APOO: variants seen among roughly 807,000 people sequenced by gnomAD.
APOO encodes the protein MICOS complex subunit MIC26.
A neutral mutation model predicts 23.1 loss-of-function variants in APOO; 11 were observed. The ratio of observed to expected loss-of-function variants is 0.48; its 90% CI spans 0.30 to 0.79. The LOEUF is 0.79. APOO is among the 30% of genes least tolerant of loss of function. The pLI, the probability that APOO is intolerant of heterozygous loss-of-function variation, is 0.07. For missense variants in APOO, 160 were observed against 142.7 expected (o/e 1.12, Z -0.62); for synonymous variants, 59 against 54.8 (o/e 1.08, Z -0.34).
At chrX:23,839,028 T>C (rs1336304839) in intron 8 of APOO, among the ~76,000 whole-genome samples, 1 of 111,790 alleles carries the variant, frequency 8.9e-6, no homozygotes, top group Non-Finnish European at 1.9e-5. Flanking sequence ...CTAGAGGACA[T>C]GTGTCACTCT....
intron 1 of APOO, among the ~76,000 whole-genome samples, chrX:23,881,565 A>G (rs1926132486): frequency 1.7e-5 from 1 of 58,173 alleles, no homozygotes; most frequent in Admixed American, 2.0e-4. Context: ...CGCTCCACTA[A>G]AAAAAAAAAA....
intron 7 of APOO, among the ~76,000 whole-genome samples, chrX:23,854,664 A>G (rs1924700328): frequency 9.6e-6 from 1 of 103,953 alleles, no homozygotes; most frequent in Non-Finnish European, 1.9e-5. Flanking sequence ...GGGATTACAG[A>G]CGTGCATCAC....
chrX:23,899,836 G>A (rs1358694371), intron 1 of APOO, among the ~76,000 whole-genome samples: 6 of 112,370 alleles, frequency 5.3e-5, no homozygotes, highest in Non-Finnish European at 9.4e-5. Context: ...GCCTAGAAAG[G>A]ACATGGGTGT....
At chrX:23,863,244 GA>G (rs1925176223) in intron 5 of APOO, among the ~76,000 whole-genome samples, 1 of 112,078 alleles carries the variant, frequency 8.9e-6, no homozygotes, top group Non-Finnish European at 1.9e-5. Context: ...TGAGGCGTGA[GA>G]ATCACTTGAA....
intron 3 of APOO, among the ~76,000 whole-genome samples, chrX:23,877,511 C>T (rs1175122079): frequency 2.7e-5 from 3 of 111,826 alleles, no homozygotes; most frequent in East Asian, 2.8e-4. Context: ...TGGTGGCTCA[C>T]GCCTGTAATC....
At chrX:23,895,239 A>C (rs960171524) in intron 1 of APOO, among the ~76,000 whole-genome samples, 1 of 112,010 alleles carries the variant, frequency 8.9e-6, no homozygotes, top group South Asian at 3.7e-4. Context: ...TACAATAGCA[A>C]AGACTTGGAA....
chrX:23,848,219 C>T (rs1302783312), intron 7 of APOO, among the ~76,000 whole-genome samples: 1 of 109,489 alleles, frequency 9.1e-6, no homozygotes, highest in East Asian at 2.9e-4. Flanking sequence ...GGCTGGAGTG[C>T]AGTGACGCGA....
intron 1 of APOO, among the ~76,000 whole-genome samples, chrX:23,893,156 G>A (rs754135257): frequency 5.9e-4 from 65 of 109,309 alleles, no homozygotes; most frequent in African/African-American, 2.0e-3. Flanking sequence ...GGTGGCTCAC[G>A]CCTGTAATCC....
At chrX:23,899,632 C>T (rs928273379) in intron 1 of APOO, among the ~76,000 whole-genome samples, 1 of 112,276 alleles carries the variant, frequency 8.9e-6, no homozygotes, top group South Asian at 3.6e-4. Flanking sequence ...TACACTCTTT[C>T]AATTCCTTTA....
intron 8 of APOO, among the ~76,000 whole-genome samples, chrX:23,838,511 GGT>G (rs1302979993): frequency 1.0e-4 from 11 of 108,384 alleles, no homozygotes; most frequent in Admixed American, 7.9e-4. Flanking sequence ...CCGCCTCCTG[GGT>G]TCAAGCGATT....
chrX:23,856,280 T>C, intron 7 of APOO, 22 bp downstream of exon 7: 4 of 1,185,662 alleles, frequency 3.4e-6, no homozygotes, highest in Non-Finnish European at 4.6e-6. Flanking sequence ...AAAAGGAAGA[T>C]AATGAAAAAG....
Position 23,857,255 on chromosome X carries a change from T to A in APOO, c.481-873A>T, listed in dbSNP as rs866944411. Among the ~76,000 whole-genome samples, 260 of 90,444 alleles carry A rather than the reference T, an allele frequency of 2.9e-3. 1 individual carries two copies. The highest frequency in any genetic ancestry group is 3.4e-3 in the African/African-American group (84 of 25,007). The allele number at this position is 90,444 out of a possible 115,157, so 78.5% of individuals were successfully genotyped here. ...CTAAAAGTTAAAAAAGAAAGAAATT[T>A]AAAAAAAAAAAAAAAAGACTCCTAC... On this transcript the variant is annotated intron_variant, in intron 6 of 8. Transcript: ENST00000379226.
chrX:23,834,121 G>A (rs983407848), intron 8 of APOO, among the ~76,000 whole-genome samples: 3 of 110,470 alleles, frequency 2.7e-5, no homozygotes, highest in African/African-American at 9.9e-5. Flanking sequence ...AAGGTCGAGT[G>A]TGGTGGCTCA....
At chrX:23,876,420 CAA>C (rs765596295) in intron 3 of APOO, among the ~76,000 whole-genome samples, 5 of 43,322 alleles carry the variant, frequency 1.2e-4, no homozygotes, top group Admixed American at 2.9e-4. Flanking sequence ...TTGTCTCTAC[CAA>C]AAAAAAAAAA....
At chrX:23,900,828 G>C (rs1927103244) in intron 1 of APOO, among the ~76,000 whole-genome samples, 1 of 111,260 alleles carries the variant, frequency 9.0e-6, no homozygotes, top group African/African-American at 3.3e-5. Flanking sequence ...AGGTAAGAAA[G>C]GAAAAAGAAA....
chrX:23,904,723 G>A (rs1335323689), intron 1 of APOO, among the ~76,000 whole-genome samples: 2 of 110,052 alleles, frequency 1.8e-5, no homozygotes. Flanking sequence ...AGCCAGGATG[G>A]TCTCGATCTC....
chrX:23,872,395 T>A (rs1177269890), intron 4 of APOO, among the ~76,000 whole-genome samples: 1 of 109,529 alleles, frequency 9.1e-6, no homozygotes, highest in Non-Finnish European at 1.9e-5. Context: ...AGATCCTGTC[T>A]CAGAAAAATT....
At chrX:23,857,255 TA>T (rs11410849) in intron 6 of APOO, among the ~76,000 whole-genome samples, 136 of 90,364 alleles carry the variant, frequency 1.5e-3, no homozygotes, top group Middle Eastern at 5.6e-3. Flanking sequence ...GAAAGAAATT[TA>T]AAAAAAAAAA....
chrX:23,882,453 A>C (rs932474645), intron 1 of APOO, among the ~76,000 whole-genome samples: 10 of 111,785 alleles, frequency 8.9e-5, no homozygotes, highest in African/African-American at 2.9e-4. Flanking sequence ...AGAGAAATCA[A>C]TCACTCATTT....
Sources: gnomAD v4.1 joint callset for allele counts (sites outside exome capture counted in the v4.1 genomes callset) on GRCh38, gnomAD v4.1.1 for gene constraint, MANE v1.5 for transcripts, NCBI Gene and HGNC (gene_info 2026-07-23, HGNC 2026-07-21) for gene names.